The following EXTL3 variants were observed in gnomAD, a reference collection of about 807,000 sequenced individuals.
The protein encoded by EXTL3 is exostosin-like 3.
A neutral mutation model predicts 69.3 loss-of-function variants in EXTL3; 27 were observed. The observed-to-expected ratio is 0.39, with a 90% CI of 0.29 to 0.54. EXTL3 has a LOEUF of 0.54. Among genes scored for constraint, EXTL3 ranks in the 20% least tolerant of loss-of-function variants. EXTL3 has a pLI of 0.69. For missense variants in EXTL3, 1,003 were observed against 1,231.8 expected (o/e 0.81, Z 2.78); for synonymous variants, 511 against 499.4 (o/e 1.02, Z -0.31).
intron 1 of EXTL3, among the ~76,000 whole-genome samples, chr8:28,673,595 G>T (rs1807333550): frequency 6.7e-6 from 1 of 150,122 alleles, no homozygotes; most frequent in Non-Finnish European, 1.5e-5. Context: ...CAGAAAGGCT[G>T]GTCATGGGAC....
Position 28,751,883 on chromosome 8 carries a change from G to C in EXTL3, c.*1017G>C, listed in dbSNP as rs967147684. On this transcript the variant is annotated 3_prime_UTR_variant, in exon 7 of 7. Coordinates refer to ENST00000220562, the MANE Select transcript of EXTL3 (RefSeq NM_001440.4). The stretch of plus-strand genomic sequence containing the variant: ...CTGCTGTGGTCTGAAGTGGTTTGCA[G>C]GTCAGCCTCCTCTCCCTAGTGTAGA... 1 of 152,298 alleles carries C rather than the reference G, an allele frequency of 6.6e-6. No individual in the cohort carries two copies. Among genetic ancestry groups the C allele is most frequent in the African/African-American group, 2.4e-5 (1 of 41,456 alleles). 9.4% of individuals were successfully genotyped at this position (152,298 alleles called of 1,614,324 possible).
At chr8:28,626,613 A>G (rs925500694) in intron 1 of EXTL3, among the ~76,000 whole-genome samples, 1 of 152,152 alleles carries the variant, frequency 6.6e-6, no homozygotes, top group African/African-American at 2.4e-5. Flanking sequence ...TTACTTAGGC[A>G]CTTTGTGTTC....
chr8:28,732,052 C>T (rs910282911), intron 4 of EXTL3, among the ~76,000 whole-genome samples: 1 of 152,136 alleles, frequency 6.6e-6, no homozygotes, highest in African/African-American at 2.4e-5. Context: ...AACAGAACCA[C>T]GTAGAAGCTA....
chr8:28,746,035 C>A (rs1801881612), intron 6 of EXTL3, among the ~76,000 whole-genome samples: 1 of 152,120 alleles, frequency 6.6e-6, no homozygotes, highest in African/African-American at 2.4e-5. Context: ...TAATAAAGAA[C>A]CAGTTTGAAT....
rs1397909916 is a variant in EXTL3 at position 28,750,882 on chromosome 8, T to TGGGGAAGAGGATGAGCAGAGG, written c.*18_*38dup. ...GTTCATCTAGGGGCAGCGCACGGTC[T>TGGGGAAGAGGATGAGCAGAGG]GGGGAAGAGGATGAGCAGAGGGAGG... On this transcript the variant is annotated 3_prime_UTR_variant, in exon 7 of 7. Transcript: ENST00000220562. The surrounding 1 kb of genome is among the most constrained non-coding windows in gnomAD (Gnocchi z 5.2). 6.6e-5 allele frequency: 106 copies of TGGGGAAGAGGATGAGCAGAGG among 1,610,832 alleles called. No individual in the cohort carries two copies. Among genetic ancestry groups the TGGGGAAGAGGATGAGCAGAGG allele is most frequent in the Non-Finnish European group, 8.8e-5 (104 of 1,177,608 alleles).
intron 1 of EXTL3, among the ~76,000 whole-genome samples, chr8:28,661,705 C>A (rs1333195886): frequency 6.6e-6 from 1 of 151,426 alleles, no homozygotes; most frequent in African/African-American, 2.4e-5. Flanking sequence ...CATGGTGAAA[C>A]CCCGCCTCTA....
At chr8:28,685,555 T>G (rs2130667439) in intron 1 of EXTL3, among the ~76,000 whole-genome samples, 1 of 152,152 alleles carries the variant, frequency 6.6e-6, no homozygotes, top group East Asian at 1.9e-4. Context: ...CTTGAGCTCC[T>G]GGGCTCAAGT....
At chr8:28,691,572 A>AT (rs71222571) in intron 1 of EXTL3, among the ~76,000 whole-genome samples, 53,834 of 135,606 alleles carry the variant, frequency 0.4, 11,094 homozygotes, top group Admixed American at 0.45. Context: ...AGTTTTTGTG[A>AT]TTTTTTTTTT....
chr8:28,680,810 G>A (rs1807475731), intron 1 of EXTL3, among the ~76,000 whole-genome samples: 1 of 152,112 alleles, frequency 6.6e-6, no homozygotes, highest in Non-Finnish European at 1.5e-5. Context: ...TGCAGTATTT[G>A]TCTTTCTGTG....
chr8:28,749,093 G>A (rs58636873), intron 6 of EXTL3, among the ~76,000 whole-genome samples: 2,213 of 152,206 alleles, frequency 0.015, 46 homozygotes, highest in African/African-American at 0.051. Context: ...AGGTCACATA[G>A]GACACGCACA....
rs776961296 is a variant in EXTL3 at position 28,718,191 on chromosome 8, T to C, written c.2132T>C (p.Ile711Thr). Residue 711 changes from isoleucine (I) to threonine (T), a missense_variant, in exon 3 of 7, where the codon ATT (isoleucine) becomes ACT (threonine). By Grantham distance (89) the Ile-to-Thr change is moderately conservative. Transcript: ENST00000220562. ...TCAGAGGACCTTCTGTGGCCTGACA[T>C]TGGCGTCCCCATCATGGTAATAGAG... ...LPSEDLLWPD[I>T]GVPIMVVRTE... 4 of 1,614,046 alleles carry C rather than the reference T, an allele frequency of 2.5e-6. No homozygotes were observed. Among genetic ancestry groups the C allele is most frequent in the African/African-American group, 1.3e-5 (1 of 74,930 alleles).
chr8:28,734,695 TAAAAC>T (rs555101633), intron 4 of EXTL3, among the ~76,000 whole-genome samples: 10 of 152,098 alleles, frequency 6.6e-5, no homozygotes, highest in South Asian at 4.1e-4. Context: ...GCAACAGAGC[TAAAAC>T]AAAACAAAAC....
At chr8:28,718,323 A>G (rs570414807) in intron 3 of EXTL3, 116 bp downstream of exon 3, 1 of 1,009,726 alleles carries the variant, frequency 9.9e-7, no homozygotes, top group Non-Finnish European at 1.5e-6. Flanking sequence ...GAATACATGC[A>G]TACTCATGAA....
chr8:28,701,937 C>T lies in EXTL3; in HGVS notation c.-570+278C>T, dbSNP rs77167610. Among the ~76,000 whole-genome samples the T allele has an allele frequency of 6.5e-4, 99 of 152,250 alleles. 1 individual carries two copies. In the East Asian group the frequency reaches 0.012, roughly 19 times the overall value. On this transcript the variant is annotated intron_variant, in intron 1 of 6. Coordinates refer to ENST00000220562, the MANE Select transcript of EXTL3 (RefSeq NM_001440.4). ...TCCCTGGGCTGGGGCACCCCCTCCC[C>T]GCCCCCACACGCCCTCTCTCGTCCC...
At position 28,721,863 on chromosome 8, in the gene EXTL3, G is replaced by T. The variant is rs147369089; in HGVS notation, c.2148+3656G>T. On this transcript the variant is annotated intron_variant, in intron 3 of 6. Coordinates refer to ENST00000220562, the MANE Select transcript of EXTL3 (RefSeq NM_001440.4). ...TGTCCTTTTGGAGTTGTAACATGTGGGCTGTTAGGAAAGGGACATCTTTCA... is the reference window on the plus strand; with the variant it reads ...TGTCCTTTTGGAGTTGTAACATGTGTGCTGTTAGGAAAGGGACATCTTTCA... Among the ~76,000 whole-genome samples the T allele has an allele frequency of 4.1e-3, 619 of 152,236 alleles. 9 individuals are homozygous for T. Among genetic ancestry groups the T allele is most frequent in the African/African-American group, 0.014 (598 of 41,532 alleles).
intron 1 of EXTL3, among the ~76,000 whole-genome samples, chr8:28,709,164 G>A (rs952704076): frequency 6.6e-6 from 1 of 152,136 alleles, no homozygotes; most frequent in Non-Finnish European, 1.5e-5. Flanking sequence ...CATAACATGG[G>A]TGACCCATGG....
At chr8:28,628,055 T>C (rs1398644073) in intron 1 of EXTL3, among the ~76,000 whole-genome samples, 3 of 152,152 alleles carry the variant, frequency 2.0e-5, no homozygotes, top group Non-Finnish European at 2.9e-5. Flanking sequence ...TCATACACCA[T>C]TGCACTTAAA....
chr8:28,642,861 A>T (rs1219443158), intron 1 of EXTL3, among the ~76,000 whole-genome samples: 1 of 152,198 alleles, frequency 6.6e-6, no homozygotes. Flanking sequence ...TAAATTTAGC[A>T]TGTAGAAACT....
chr8:28,701,231 A>G (rs575394861), upstream of EXTL3: 55 of 152,178 alleles, frequency 3.6e-4, no homozygotes, highest in African/African-American at 1.1e-3. Flanking sequence ...CCTCCCCGCC[A>G]TCTGCGGTCG....
Sources: allele counts gnomAD v4.1 joint callset (sites outside exome capture counted in the v4.1 genomes callset), GRCh38; gene constraint gnomAD v4.1.1; non-coding constraint Gnocchi (gnomAD v3.1); transcripts MANE v1.5; gene names NCBI Gene and HGNC (gene_info 2026-07-23, HGNC 2026-07-21).